Variants in EYS observed in about 807,000 individuals in gnomAD.
EYS encodes EGF-like photoreceptor maintenance factor.
A neutral mutation model predicts 282.1 loss-of-function variants in EYS; 250 were observed. The ratio of observed to expected loss-of-function variants is 0.89; its 90% CI spans 0.80 to 0.98. The LOEUF (loss-of-function observed/expected upper bound fraction) is 0.98, where lower values mean the gene tolerates loss of function less well. EYS is among the 50% of genes least tolerant of loss of function. The probability of loss-of-function intolerance (pLI) is 0.00; values close to 1 mark genes in which losing one functional copy is unlikely to be tolerated. For missense variants in EYS, 4,016 were observed against 3,709.0 expected (o/e 1.08, Z -2.15); for synonymous variants, 1,355 against 1,282.9 (o/e 1.06, Z -1.20).
intron 22 of EYS, among the ~76,000 whole-genome samples, chr6:64,771,928 A>G (rs970780762): frequency 9.9e-5 from 15 of 151,852 alleles, no homozygotes; most frequent in East Asian, 1.9e-4. Flanking sequence ...GTATTCAGAG[A>G]GAAGTTCCTA....
intron 28 of EYS, among the ~76,000 whole-genome samples, chr6:64,409,015 T>G (rs1340360080): frequency 6.6e-6 from 1 of 152,140 alleles, no homozygotes; most frequent in Non-Finnish European, 1.5e-5. Context: ...ACTCATTGTT[T>G]AGCTCTCACT....
chr6:65,542,910 A>G (rs916296007), intron 2 of EYS, among the ~76,000 whole-genome samples: 24 of 152,232 alleles, frequency 1.6e-4, no homozygotes, highest in African/African-American at 5.5e-4. Context: ...AAAAGCACCA[A>G]CATTTATACT....
intron 5 of EYS, among the ~76,000 whole-genome samples, chr6:65,449,770 T>G (rs1004560469): frequency 6.6e-6 from 1 of 152,082 alleles, no homozygotes; most frequent in African/African-American, 2.4e-5. Context: ...TTTTTTCCTC[T>G]CATTTTCCAC....
intron 15 of EYS, among the ~76,000 whole-genome samples, chr6:64,945,155 A>AT (rs1003111405): frequency 2.0e-5 from 3 of 151,672 alleles, no homozygotes; most frequent in African/African-American, 7.2e-5. Flanking sequence ...AGAATGGGAA[A>AT]AATAGTCACG....
intron 12 of EYS, among the ~76,000 whole-genome samples, chr6:65,260,487 T>A (rs892286898): frequency 1.3e-5 from 2 of 152,110 alleles, no homozygotes; most frequent in Non-Finnish European, 2.9e-5. Flanking sequence ...TATCAATGTT[T>A]CAAGTACCCA....
chr6:63,914,307 G>A (rs1195406557), intron 35 of EYS, among the ~76,000 whole-genome samples: 1 of 152,186 alleles, frequency 6.6e-6, no homozygotes, highest in African/African-American at 2.4e-5. Flanking sequence ...CATGTAGAAA[G>A]CTAAGATAGG....
rs372057223 is a variant in EYS, at chr6:64,627,405, G to T, written c.3444-1160C>A. Among the ~76,000 whole-genome samples the T allele has an allele frequency of 5.3e-5, 8 of 152,324 alleles. No homozygotes were observed. The East Asian group carries it at 1.5e-3, about 29-fold the overall frequency. The stretch of plus-strand genomic sequence containing the variant: ...CTGAAATATAATGTGGGAGAGCACA[G>T]TCTGGGGTGATGCTGATGAAAAAGG... On this transcript the variant is annotated intron_variant, in intron 22 of 42. Transcript: ENST00000503581.
intron 12 of EYS, among the ~76,000 whole-genome samples, chr6:65,245,717 C>T (rs903253599): frequency 4.2e-4 from 63 of 151,642 alleles, no homozygotes; most frequent in African/African-American, 1.5e-3. Flanking sequence ...AATTGAGGTA[C>T]TAGCAGGATG....
chr6:65,647,746 G>C (rs1767502544), intron 1 of EYS, among the ~76,000 whole-genome samples: 1 of 152,076 alleles, frequency 6.6e-6, no homozygotes, highest in Non-Finnish European at 1.5e-5. Context: ...CCAGTAATTG[G>C]GGGTAAATTT....
intron 2 of EYS, among the ~76,000 whole-genome samples, chr6:65,592,362 A>T (rs1364780096): frequency 6.6e-6 from 1 of 151,988 alleles, no homozygotes; most frequent in Non-Finnish European, 1.5e-5. Flanking sequence ...TATGCATTGA[A>T]TTCAAGTTTT....
At chr6:64,959,057 G>C (rs113778600) in intron 14 of EYS, among the ~76,000 whole-genome samples, 2,699 of 152,222 alleles carry the variant, frequency 0.018, 81 homozygotes, top group African/African-American at 0.061. Flanking sequence ...TACCTGCTTT[G>C]CATTAGAAAC....
At chr6:65,055,118 A>G (rs1368866436) in intron 13 of EYS, among the ~76,000 whole-genome samples, 2 of 152,020 alleles carry the variant, frequency 1.3e-5, no homozygotes, top group East Asian at 3.9e-4. Flanking sequence ...AGTAGCTAGG[A>G]CCACAAGCAT....
At chr6:65,650,869 GC>G in intron 1 of EYS, among the ~76,000 whole-genome samples, 1 of 152,080 alleles carries the variant, frequency 6.6e-6, no homozygotes, top group East Asian at 1.9e-4. Context: ...CTTTTAAAAT[GC>G]AAATAAAATA....
At chr6:64,518,585 A>G (rs1426823235) in intron 26 of EYS, among the ~76,000 whole-genome samples, 4 of 151,778 alleles carry the variant, frequency 2.6e-5, no homozygotes, top group Admixed American at 6.6e-5. Flanking sequence ...AATGTGACCT[A>G]AAGTCGCTAT....
intron 35 of EYS, among the ~76,000 whole-genome samples, chr6:63,906,224 A>G (rs1773776378): frequency 6.6e-6 from 1 of 152,222 alleles, no homozygotes; most frequent in Non-Finnish European, 1.5e-5. Context: ...AAAATGCCAT[A>G]AAGTTTTAGT....
chr6:63,889,784 C>T (rs1454068296), intron 35 of EYS, among the ~76,000 whole-genome samples: 1 of 152,044 alleles, frequency 6.6e-6, no homozygotes, highest in Non-Finnish European at 1.5e-5. Flanking sequence ...TTAACCTTAA[C>T]TGAAAATGGG....
rs138149757 is a variant in EYS, at chr6:65,388,150, C to A, written c.1185-3650G>T. 3.2e-3 allele frequency among the ~76,000 whole-genome samples: 493 copies of A among 151,904 alleles called. 4 individuals are homozygous for A. Among genetic ancestry groups the A allele is most frequent in the African/African-American group, 0.011 (445 of 41,470 alleles). ...AGGTCACTGCCTGGATTTCAGGAAG[C>A]AAATAATTCAGATGTAAAAGTGATT... On this transcript the variant is annotated intron_variant, in intron 7 of 42. Coordinates refer to ENST00000503581, the MANE Select transcript of EYS (RefSeq NM_001142800.2).
chr6:64,264,826 C>T (rs964635967), intron 30 of EYS, among the ~76,000 whole-genome samples: 1 of 152,002 alleles, frequency 6.6e-6, no homozygotes, highest in Non-Finnish European at 1.5e-5. Context: ...ATCTCTTGAA[C>T]CTCGGAAGCT....
chr6:64,738,456 T>G (rs1243584293), intron 22 of EYS, among the ~76,000 whole-genome samples: 1 of 152,206 alleles, frequency 6.6e-6, no homozygotes, highest in Non-Finnish European at 1.5e-5. Flanking sequence ...TGCAGAACTG[T>G]GAGCCAAATA....
Sources: allele counts gnomAD v4.1 joint callset (sites outside exome capture counted in the v4.1 genomes callset), GRCh38; gene constraint gnomAD v4.1.1; transcripts MANE v1.5; gene names NCBI Gene and HGNC (gene_info 2026-07-23, HGNC 2026-07-21).